Variants in SLC9A2 observed in about 807,000 individuals in gnomAD.
The protein encoded by SLC9A2 is solute carrier family 9 member A2.
A neutral mutation model predicts 71.7 loss-of-function variants in SLC9A2; 42 were observed. That is an observed-to-expected ratio of 0.59 (90% confidence interval 0.46 to 0.76). The LOEUF is 0.76. Ranked by LOEUF, SLC9A2 falls within the 30% of genes least tolerant of loss-of-function variation. SLC9A2 has a pLI of 0.00. For missense variants in SLC9A2, 829 were observed against 1,017.4 expected, an observed-to-expected ratio of 0.81 and a Z score of 2.52; for synonymous variants, 396 against 392.5, an observed-to-expected ratio of 1.01 and a Z score of -0.10.
At chr2:102,633,991 A>G (rs192454483) in intron 1 of SLC9A2, among the ~76,000 whole-genome samples, 206 of 152,348 alleles carry the variant, frequency 1.4e-3, no homozygotes, top group African/African-American at 4.9e-3. Context: ...TGTGTGCTCA[A>G]TGAGGGAAAG....
intron 7 of SLC9A2, among the ~76,000 whole-genome samples, chr2:102,698,010 T>C (rs1262442855): frequency 3.3e-5 from 5 of 151,984 alleles, no homozygotes; most frequent in African/African-American, 1.2e-4. Context: ...GGTGTGGAAA[T>C]GAAGCAAGGA....
intron 7 of SLC9A2, among the ~76,000 whole-genome samples, chr2:102,696,861 C>T (rs1677778050): frequency 6.6e-6 from 1 of 152,210 alleles, no homozygotes; most frequent in South Asian, 2.1e-4. Flanking sequence ...TTTTAAATGG[C>T]CATTTCTCAG....
At chr2:102,684,057 C>T (rs1490959565) in intron 4 of SLC9A2, 77 bp from the exon 5 acceptor site, 7 of 1,063,712 alleles carry the variant, frequency 6.6e-6, no homozygotes, top group Non-Finnish European at 1.0e-5. Flanking sequence ...ATCGCAGAAG[C>T]ACAGAAAATG....
intron 1 of SLC9A2, among the ~76,000 whole-genome samples, chr2:102,636,441 CCTTCA>C: frequency 6.6e-6 from 1 of 152,140 alleles, no homozygotes; most frequent in East Asian, 1.9e-4. Context: ...ATTGTGGGTT[CCTTCA>C]CTATACTTTG....
chr2:102,620,933 G>A (rs1053816522), intron 1 of SLC9A2, among the ~76,000 whole-genome samples: 3 of 152,106 alleles, frequency 2.0e-5, no homozygotes, highest in Non-Finnish European at 1.5e-5. Flanking sequence ...CACTTTGGGA[G>A]GCTGAGGCAA....
chr2:102,623,000 A>G (rs1411473512), intron 1 of SLC9A2, among the ~76,000 whole-genome samples: 1 of 152,094 alleles, frequency 6.6e-6, no homozygotes, highest in Non-Finnish European at 1.5e-5. Flanking sequence ...ATTATGTGGT[A>G]TTTTGTTAAA....
At chr2:102,641,192 T>C (rs1676573526) in intron 1 of SLC9A2, among the ~76,000 whole-genome samples, 1 of 152,148 alleles carries the variant, frequency 6.6e-6, no homozygotes, top group African/African-American at 2.4e-5. Flanking sequence ...CTCAGGATGG[T>C]GGGCAGTTTG....
intron 9 of SLC9A2, among the ~76,000 whole-genome samples, chr2:102,703,335 T>A (rs1212229820): frequency 6.6e-6 from 1 of 152,198 alleles, no homozygotes; most frequent in Non-Finnish European, 1.5e-5. Context: ...TTTCCACATC[T>A]GCCTCACCCA....
At chr2:102,656,815 A>G (rs1466629445) in intron 1 of SLC9A2, among the ~76,000 whole-genome samples, 1 of 152,224 alleles carries the variant, frequency 6.6e-6, no homozygotes, top group Non-Finnish European at 1.5e-5. Flanking sequence ...TTTACAAAGC[A>G]TGAAAATAAC....
At chr2:102,705,452 T>A (rs1001554045) in intron 10 of SLC9A2, among the ~76,000 whole-genome samples, 1 of 151,536 alleles carries the variant, frequency 6.6e-6, no homozygotes, top group Non-Finnish European at 1.5e-5. Flanking sequence ...ATATCATTTT[T>A]AAGATATATT....
chr2:102,684,470 G>A, intron 5 of SLC9A2, 134 bp downstream of exon 5: 1 of 836,788 alleles, frequency 1.2e-6, no homozygotes, highest in Non-Finnish European at 2.0e-6. Context: ...GATATTTCCT[G>A]TCTGGGTTCA....
Position 102,650,943 on chromosome 2 carries a change from G to A in SLC9A2, c.290-6621G>A, listed in dbSNP as rs541033460. ...TATGTTTTAAGGATTTCTGATTGGC[G>A]TTTACCATCTTGAGTTTCTCTCCTA... On this transcript the variant is annotated intron_variant, in intron 1 of 11. Coordinates refer to ENST00000233969, the MANE Select transcript of SLC9A2 (RefSeq NM_003048.6). 4.3e-4 allele frequency among the ~76,000 whole-genome samples: 65 copies of A among 152,238 alleles called. No individual in the cohort carries two copies. The South Asian group carries it at 0.012, about 29-fold the overall frequency.
At position 102,708,016 on chromosome 2, in the gene SLC9A2, A is replaced by G. The variant is rs1678014982; in HGVS notation, c.2069-103A>G. The G allele has an allele frequency of 2.4e-6, 3 of 1,263,536 alleles. No homozygotes were observed. The Admixed American group carries it at 6.8e-5, about 29-fold the overall frequency. The allele number at this position is 1,263,536 out of a possible 1,614,324, so 78.3% of individuals were successfully genotyped here. A position where few individuals can be genotyped will look rare whatever the true frequency, so the allele number is the denominator to read the frequency against. Reference sequence around the variant, plus strand: ...GCCTGCTAGCCTCCCCTCTCCCCAGAGCCCCAGGACGTATCAGTTGCCTGA... The same window carrying G: ...GCCTGCTAGCCTCCCCTCTCCCCAGGGCCCCAGGACGTATCAGTTGCCTGA... On this transcript the variant is annotated intron_variant, in intron 11 of 11. Transcript: ENST00000233969.
intron 3 of SLC9A2, among the ~76,000 whole-genome samples, chr2:102,668,185 A>C (rs1406547777): frequency 6.6e-6 from 1 of 152,192 alleles, no homozygotes; most frequent in Non-Finnish European, 1.5e-5. Flanking sequence ...TTTTTGCCCC[A>C]AAATTACCAT....
At chr2:102,650,432 G>A (rs1558707448) in intron 1 of SLC9A2, among the ~76,000 whole-genome samples, 3 of 152,124 alleles carry the variant, frequency 2.0e-5, no homozygotes, top group Non-Finnish European at 4.4e-5. Context: ...AATGGTACAT[G>A]TATACCTATG....
At chr2:102,680,387 C>T (rs7576925) in intron 3 of SLC9A2, among the ~76,000 whole-genome samples, 3,416 of 152,036 alleles carry the variant, frequency 0.022, 133 homozygotes, top group African/African-American at 0.076. Context: ...TTCAGAAATG[C>T]GGGTAACCAG....
intron 1 of SLC9A2, among the ~76,000 whole-genome samples, chr2:102,644,491 T>C (rs897708668): frequency 2.0e-5 from 3 of 152,156 alleles, no homozygotes; most frequent in African/African-American, 7.2e-5. Flanking sequence ...GAAAGGGGGC[T>C]GAAGCTAGGA....
Position 102,656,210 on chromosome 2 carries a change from A to G in SLC9A2, c.290-1354A>G, listed in dbSNP as rs141763134. On this transcript the variant is annotated intron_variant, in intron 1 of 11. Coordinates refer to ENST00000233969, the MANE Select transcript of SLC9A2 (RefSeq NM_003048.6). Reference sequence around the variant, plus strand: ...TTAAGTCACTTTCCACGTTGCCTCCATGTGCTGGCCCAACCCACATCTCTC... The same window carrying G: ...TTAAGTCACTTTCCACGTTGCCTCCGTGTGCTGGCCCAACCCACATCTCTC... Among the ~76,000 whole-genome samples the G allele has an allele frequency of 7.8e-3, 1,184 of 152,268 alleles. 33 individuals are homozygous for G. In the South Asian group the frequency reaches 0.1, roughly 13 times the overall value.
intron 1 of SLC9A2, among the ~76,000 whole-genome samples, chr2:102,649,232 C>T (rs1038230107): frequency 1.3e-5 from 2 of 152,118 alleles, no homozygotes; most frequent in Non-Finnish European, 2.9e-5. Flanking sequence ...GAAATGATTC[C>T]CTATTTAATA....
Sources: allele counts gnomAD v4.1 joint callset (sites outside exome capture counted in the v4.1 genomes callset), GRCh38; gene constraint gnomAD v4.1.1; transcripts MANE v1.5; gene names NCBI Gene and HGNC (gene_info 2026-07-23, HGNC 2026-07-21).